The following SND1 variants were observed in gnomAD, a reference collection of about 807,000 sequenced individuals.
The protein encoded by SND1 is staphylococcal nuclease domain-containing protein 1.
A neutral mutation model predicts 121.7 loss-of-function variants in SND1; 38 were observed. The observed-to-expected ratio is 0.31, with a 90% CI of 0.24 to 0.41. The LOEUF (loss-of-function observed/expected upper bound fraction) is 0.41. SND1 is among the 10% of genes least tolerant of loss of function. The pLI is 1.00. For synonymous variants in SND1, 401 were observed against 447.4 expected (o/e 0.90, Z 1.31); for missense variants, 868 against 1,184.6 (o/e 0.73, Z 3.92).
rs1799147326 is a variant in SND1 at position 127,850,553 on chromosome 7, A to G, written c.1343+6129A>G. Reference sequence around the variant, plus strand: ...GATTGATGACTTACGCTTTAATCATAGTCAATGAAAAGAACTGCTGAGCCC... The same window carrying G: ...GATTGATGACTTACGCTTTAATCATGGTCAATGAAAAGAACTGCTGAGCCC... On this transcript the variant is annotated intron_variant, in intron 12 of 23. Coordinates refer to ENST00000354725, the MANE Select transcript of SND1 (RefSeq NM_014390.4). Among the ~76,000 whole-genome samples, 4 of 152,218 alleles carry G rather than the reference A, an allele frequency of 2.6e-5. No individual in the cohort carries two copies. The South Asian group carries it at 8.3e-4, about 32-fold the overall frequency.
chr7:128,030,792 G>C, intron 16 of SND1: 1 of 1,000,218 alleles, frequency 1.0e-6, no homozygotes, highest in Non-Finnish European at 1.4e-6. Flanking sequence ...CGGATCGGCC[G>C]AAAAAAATCC....
intron 11 of SND1, among the ~76,000 whole-genome samples, chr7:127,821,373 A>T (rs1050074583): frequency 6.6e-6 from 1 of 152,158 alleles, no homozygotes; most frequent in African/African-American, 2.4e-5. Flanking sequence ...GCTTCAGAGT[A>T]TGTTGTTTTC....
intron 10 of SND1, among the ~76,000 whole-genome samples, chr7:127,742,646 A>C (rs1796903384): frequency 6.6e-6 from 1 of 152,146 alleles, no homozygotes; most frequent in African/African-American, 2.4e-5. Context: ...TGCTCCACAA[A>C]GAATGGCCCA....
chr7:128,018,644 C>T (rs1803280647), intron 16 of SND1, among the ~76,000 whole-genome samples: 1 of 152,180 alleles, frequency 6.6e-6, no homozygotes, highest in Admixed American at 6.5e-5. Flanking sequence ...ACTGCAGGCT[C>T]TCTGGCCGGG....
chr7:127,702,615 G>GT, intron 6 of SND1, 89 bp downstream of exon 6: 1 of 1,039,662 alleles, frequency 9.6e-7, no homozygotes, highest in South Asian at 1.3e-5. Flanking sequence ...CGGATCTGCT[G>GT]TTTCTTCCTA....
chr7:127,921,360 T>C (rs1178054651), intron 14 of SND1, among the ~76,000 whole-genome samples: 1 of 152,190 alleles, frequency 6.6e-6, no homozygotes, highest in Admixed American at 6.5e-5. Context: ...AACCATTTTC[T>C]TTTTAAATTT....
At chr7:127,807,404 C>A in intron 10 of SND1, 80 bp from the exon 11 acceptor site, 1 of 1,074,210 alleles carries the variant, frequency 9.3e-7, no homozygotes, top group Non-Finnish European at 1.4e-6. Flanking sequence ...CAATTTCAGA[C>A]ACATTCCTAT....
At chr7:127,841,649 T>C (rs946281441) in intron 11 of SND1, among the ~76,000 whole-genome samples, 1 of 152,168 alleles carries the variant, frequency 6.6e-6, no homozygotes, top group Non-Finnish European at 1.5e-5. Flanking sequence ...GGTTCTGAGT[T>C]ACTCAGGCCT....
intron 16 of SND1, among the ~76,000 whole-genome samples, chr7:128,061,223 T>G (rs1584767696): frequency 6.6e-6 from 1 of 152,236 alleles, no homozygotes; most frequent in African/African-American, 2.4e-5. Flanking sequence ...CCCTGGCTCC[T>G]GTCAAGCAGA....
chr7:127,757,382 C>T (rs1482124574), intron 10 of SND1, among the ~76,000 whole-genome samples: 5 of 152,282 alleles, frequency 3.3e-5, no homozygotes, highest in African/African-American at 1.2e-4. Context: ...TGCTAATGAA[C>T]ATTCTTGTGT....
rs114229887 is a variant in SND1 at position 128,016,296 on chromosome 7, A to C, written c.1779+25240A>C. On this transcript the variant is annotated intron_variant, in intron 16 of 23. Coordinates refer to ENST00000354725, the MANE Select transcript of SND1 (RefSeq NM_014390.4). ...CCCTGCCCAACAAACCTTTTTTTTC[A>C]ATTGAGGAATATTAGGATTGAGATA... Among the ~76,000 whole-genome samples, 280 of 151,818 alleles carry C rather than the reference A, an allele frequency of 1.8e-3. 1 individual carries two copies. The highest frequency in any genetic ancestry group is 6.8e-3 in the Middle Eastern group (2 of 294).
chr7:127,878,246 T>C (rs1206993248), intron 12 of SND1, among the ~76,000 whole-genome samples: 1 of 152,208 alleles, frequency 6.6e-6, no homozygotes, highest in Non-Finnish European at 1.5e-5. Context: ...TAGAAAATGC[T>C]CTCAACTCTC....
chr7:127,764,986 G>C (rs542698445), intron 10 of SND1, among the ~76,000 whole-genome samples: 1 of 152,308 alleles, frequency 6.6e-6, no homozygotes, highest in East Asian at 1.9e-4. Context: ...TGGTGTCGCT[G>C]TTGATGAATG....
chr7:127,993,257 T>C (rs553347785), intron 16 of SND1, among the ~76,000 whole-genome samples: 1 of 152,376 alleles, frequency 6.6e-6, no homozygotes, highest in Admixed American at 6.5e-5. Context: ...GAGGTTTGTG[T>C]TTTGTTACAG....
chr7:127,699,527 A>G (rs1472325583), intron 4 of SND1, among the ~76,000 whole-genome samples: 1 of 152,180 alleles, frequency 6.6e-6, no homozygotes, highest in Non-Finnish European at 1.5e-5. Flanking sequence ...ATCTCTTCAA[A>G]GTCTTTCAAG....
chr7:127,715,944 T>G (rs1796381142), intron 9 of SND1, among the ~76,000 whole-genome samples: 1 of 152,198 alleles, frequency 6.6e-6, no homozygotes, highest in African/African-American at 2.4e-5. Context: ...GATATCTAGT[T>G]TTCTTAGGAC....
rs1796224174 is a variant in SND1 at position 127,707,658 on chromosome 7, C to G, written c.1038+11C>G. ...CAGTTTGTTGCCAAGGTGAGTCATT[C>G]TCAGCATCTTGATATGCATAGTGGA... On this transcript the variant is annotated intron_variant, in intron 9 of 23. Coordinates refer to ENST00000354725, the MANE Select transcript of SND1 (RefSeq NM_014390.4). The G allele has an allele frequency of 2.5e-6, 4 of 1,608,896 alleles. No individual in the cohort carries two copies. The South Asian group carries it at 3.3e-5, about 13-fold the overall frequency.
rs1405173288 is a variant in SND1 at position 128,052,864 on chromosome 7, C to T, written c.1780-21638C>T. Among the ~76,000 whole-genome samples, 1 of 152,150 alleles carries T rather than the reference C, an allele frequency of 6.6e-6. No individual in the cohort carries two copies. The highest frequency in any genetic ancestry group is 1.5e-5 in the Non-Finnish European group (1 of 68,036). On this transcript the variant is annotated intron_variant, in intron 16 of 23. Coordinates refer to ENST00000354725, the MANE Select transcript of SND1 (RefSeq NM_014390.4). This position sits in a 1 kb window ranked among gnomAD's most constrained non-coding sequence, Gnocchi z 4.6. Reference sequence around the variant, plus strand: ...AGTTAAGAAAATTATGTGAAAAGACCAATAGTCAGCCCTACCCTTCAGGGA... The same window carrying T: ...AGTTAAGAAAATTATGTGAAAAGACTAATAGTCAGCCCTACCCTTCAGGGA...
chr7:128,081,568 G>T, intron 18 of SND1, 67 bp downstream of exon 18: 1 of 1,590,742 alleles, frequency 6.3e-7, no homozygotes. Flanking sequence ...GGGGGTAGGG[G>T]GCCTCTGCCC....
Sources: allele counts gnomAD v4.1 joint callset (sites outside exome capture counted in the v4.1 genomes callset), GRCh38; gene constraint gnomAD v4.1.1; non-coding constraint Gnocchi (gnomAD v3.1); transcripts MANE v1.5; gene names NCBI Gene and HGNC (gene_info 2026-07-23, HGNC 2026-07-21).